FUT8: variants seen among roughly 807,000 people sequenced by gnomAD.
FUT8 encodes alpha-(1,6)-fucosyltransferase.
Under a neutral mutation model 71.3 loss-of-function variants are expected in FUT8, and 29 were observed. That is an observed-to-expected ratio of 0.41 (90% CI 0.30 to 0.55). The LOEUF is 0.55. Ranked by LOEUF, FUT8 falls within the 20% of genes least tolerant of loss-of-function variation. The probability of loss-of-function intolerance (pLI) is 0.34; values close to 1 mark genes in which losing one functional copy is unlikely to be tolerated. For synonymous variants in FUT8, 254 were observed against 239.3 expected (o/e 1.06, Z -0.57); for missense variants, 544 against 702.1 (o/e 0.77, Z 2.55).
rs560054644 is a variant in FUT8 at position 65,742,208 on chromosome 14, C to T, written c.1526C>T (p.Ala509Val). ...FGGQNAHNQIAIYAHQPRTAD... is the reference protein window; with the variant it reads ...FGGQNAHNQIVIYAHQPRTAD... ...GGCCAGAATGCCCACAATCAAATTG[C>T]CATTTATGCTCACCAACCCCGAACT... is the stretch of plus-strand genomic sequence containing the variant. Residue 509 changes from alanine (A) to valine (V), a missense_variant, in exon 11 of 11, where the codon GCC becomes GTC. Ala to Val is a moderately conservative substitution (Grantham distance 64). Coordinates refer to ENST00000673929, the MANE Select transcript of FUT8 (RefSeq NM_001371533.1). 6.2e-7 allele frequency: 1 copy of T among 1,613,164 alleles called. No individual in the cohort carries two copies. The highest frequency in any genetic ancestry group is 8.5e-7 in the Non-Finnish European group (1 of 1,179,434).
At chr14:65,617,921 G>C (rs1889368240) in intron 5 of FUT8, among the ~76,000 whole-genome samples, 1 of 150,426 alleles carries the variant, frequency 6.6e-6, no homozygotes, top group Admixed American at 6.7e-5. Context: ...TCCAGCCTGG[G>C]CAACAGAGCA....
At chr14:65,525,088 A>G (rs1014536925) in intron 2 of FUT8, among the ~76,000 whole-genome samples, 3 of 152,206 alleles carry the variant, frequency 2.0e-5, no homozygotes, top group African/African-American at 7.2e-5. Flanking sequence ...AAAATGAGTT[A>G]GGGAGGATTT....
chr14:65,498,377 C>T (rs1393614134), intron 2 of FUT8, among the ~76,000 whole-genome samples: 3 of 152,142 alleles, frequency 2.0e-5, no homozygotes, highest in African/African-American at 7.2e-5. Context: ...CTTTTTGGCT[C>T]CAGTATCCAC....
intron 2 of FUT8, among the ~76,000 whole-genome samples, chr14:65,515,274 A>T (rs1430982641): frequency 2.0e-5 from 3 of 152,160 alleles, no homozygotes; most frequent in African/African-American, 7.2e-5. Context: ...AAGGGAAAGT[A>T]AGTCTCTAGA....
At chr14:65,538,304 T>C (rs1884464977) in intron 2 of FUT8, among the ~76,000 whole-genome samples, 1 of 152,206 alleles carries the variant, frequency 6.6e-6, no homozygotes, top group Non-Finnish European at 1.5e-5. Flanking sequence ...CCTGTTCAAC[T>C]CACCCTCTCC....
At chr14:65,358,607 G>A in the FUT8 span, among the ~76,000 whole-genome samples, 12 of 152,056 alleles carry the variant, frequency 7.9e-5, no homozygotes, top group South Asian at 2.3e-3. Flanking sequence ...GTGCATGCCC[G>A]GCTAATTTTT....
At chr14:65,587,754 C>G (rs1335126028) in intron 3 of FUT8, among the ~76,000 whole-genome samples, 1 of 152,090 alleles carries the variant, frequency 6.6e-6, no homozygotes, top group Non-Finnish European at 1.5e-5. Flanking sequence ...TGTATGCATG[C>G]CTGATTTTAT....
chr14:65,499,319 A>T lies in FUT8; in HGVS notation c.-228+43601A>T, dbSNP rs186447474. Among the ~76,000 whole-genome samples, 6 of 152,216 alleles carry T rather than the reference A, an allele frequency of 3.9e-5. No homozygotes were observed. In the East Asian group the frequency reaches 1.2e-3, roughly 29 times the overall value. On this transcript the variant is annotated intron_variant, in intron 2 of 10. Coordinates refer to ENST00000673929, the MANE Select transcript of FUT8 (RefSeq NM_001371533.1). ...ATACTTTCATTCTGAATGATTTCAG[A>T]ATGTTTGGGGATGGTGTTGATAAAC...
At chr14:65,423,604 T>C (rs981122677) in intron 1 of FUT8, among the ~76,000 whole-genome samples, 9 of 152,322 alleles carry the variant, frequency 5.9e-5, no homozygotes, top group Non-Finnish European at 1.2e-4. Context: ...AGTCGTCTGC[T>C]GCCTCTTGGT....
chr14:65,734,281 A>T (rs1896115903), intron 10 of FUT8, among the ~76,000 whole-genome samples: 1 of 152,212 alleles, frequency 6.6e-6, no homozygotes, highest in Admixed American at 6.5e-5. Context: ...AGAAAAGAAA[A>T]TGTGAAAAAA....
chr14:65,407,008 C>T (rs2065091101), upstream of FUT8, among the ~76,000 whole-genome samples: 3 of 152,196 alleles, frequency 2.0e-5, no homozygotes. Flanking sequence ...ATTCAGTCCT[C>T]ACTCCTCAGT....
intron 2 of FUT8, among the ~76,000 whole-genome samples, chr14:65,539,182 C>T (rs1827914721): frequency 6.6e-6 from 1 of 152,306 alleles, no homozygotes; most frequent in African/African-American, 2.4e-5. Context: ...GATGGGTCTA[C>T]CTGTAGTGTT....
At chr14:65,683,519 C>T (rs1000935654) in intron 7 of FUT8, among the ~76,000 whole-genome samples, 10 of 151,882 alleles carry the variant, frequency 6.6e-5, no homozygotes, top group African/African-American at 2.4e-4. Flanking sequence ...GTAAACAGTG[C>T]CAAAAATATA....
intron 9 of FUT8, among the ~76,000 whole-genome samples, chr14:65,729,034 GTTTT>G (rs557668131): frequency 6.3e-4 from 65 of 103,668 alleles, no homozygotes; most frequent in African/African-American, 1.9e-3. Flanking sequence ...TTGTAAACAT[GTTTT>G]TTTTTTTTTT....
At chr14:65,367,938 A>G in the FUT8 span, among the ~76,000 whole-genome samples, 1 of 152,170 alleles carries the variant, frequency 6.6e-6, no homozygotes, top group East Asian at 1.9e-4. Flanking sequence ...TTGGAAAAGA[A>G]AGTATCTTTA....
chr14:65,713,499 A>G (rs978419259), intron 7 of FUT8, among the ~76,000 whole-genome samples: 1 of 152,196 alleles, frequency 6.6e-6, no homozygotes, highest in African/African-American at 2.4e-5. Flanking sequence ...TAGTGGTTGT[A>G]CTAATTTACA....
At chr14:65,372,467 G>C in the FUT8 span, among the ~76,000 whole-genome samples, 3 of 150,966 alleles carry the variant, frequency 2.0e-5, no homozygotes, top group Non-Finnish European at 4.4e-5. Flanking sequence ...CCGAGCTGGA[G>C]TGCAGTGGCG....
At chr14:65,544,479 G>GAT (rs1345680031) in intron 2 of FUT8, among the ~76,000 whole-genome samples, 2 of 151,980 alleles carry the variant, frequency 1.3e-5, no homozygotes, top group Non-Finnish European at 2.9e-5. Context: ...AGAAAATGGT[G>GAT]ATATATATAC....
At chr14:65,543,074 G>T (rs369563604) in intron 2 of FUT8, among the ~76,000 whole-genome samples, 1 of 152,130 alleles carries the variant, frequency 6.6e-6, no homozygotes, top group Non-Finnish European at 1.5e-5. Context: ...GAGCCACCGC[G>T]CCTGGCCATG....
Sources: allele counts gnomAD v4.1 joint callset (sites outside exome capture counted in the v4.1 genomes callset), GRCh38; gene constraint gnomAD v4.1.1; transcripts MANE v1.5; gene names NCBI Gene and HGNC (gene_info 2026-07-23, HGNC 2026-07-21).